EIF4ENIF1: variants seen among roughly 807,000 people sequenced by gnomAD.
The protein encoded by EIF4ENIF1 is eukaryotic translation initiation factor 4E nuclear import factor 1, also known as eukaryotic translation initiation factor 4E transporter.
EIF4ENIF1 carries 23 observed loss-of-function variants against 110.5 expected under a neutral mutation model. That is an observed-to-expected ratio of 0.21 (90% CI 0.15 to 0.29). The LOEUF (loss-of-function observed/expected upper bound fraction) is 0.29. Ranked by LOEUF, EIF4ENIF1 falls within the 10% of genes least tolerant of loss-of-function variation. The pLI, the probability that EIF4ENIF1 is intolerant of heterozygous loss-of-function variation, is 1.00. For synonymous variants in EIF4ENIF1, 440 were observed against 437.0 expected (o/e 1.01, Z -0.09); for missense variants, 1,031 against 1,221.1 (o/e 0.84, Z 2.32).
At chr22:31,461,306 A>G (rs1332228925) in intron 6 of EIF4ENIF1, among the ~76,000 whole-genome samples, 1 of 152,212 alleles carries the variant, frequency 6.6e-6, no homozygotes, top group East Asian at 1.9e-4. Context: ...GAGCCAGGTC[A>G]CTGCCCTAAA....
rs1360293937 is a variant in EIF4ENIF1, at chr22:31,444,769, G to A, written c.1989-79C>T. The stretch of plus-strand genomic sequence containing the variant: ...TAAAACCATATAATACTCAAGACCA[G>A]CCTAGAAGTTTTAACATCCCCTTTC... On this transcript the variant is annotated intron_variant, in intron 14 of 18. Coordinates refer to ENST00000330125, the MANE Select transcript of EIF4ENIF1 (RefSeq NM_019843.4). 3 of 1,389,764 alleles carry A rather than the reference G, an allele frequency of 2.2e-6. No homozygotes were observed. The African/African-American group carries it at 4.3e-5, about 20-fold the overall frequency. The allele number at this position is 1,389,764 out of a possible 1,614,324, so 86.1% of individuals were successfully genotyped here.
At chr22:31,454,448 G>T in intron 9 of EIF4ENIF1, 72 bp from the exon 10 acceptor site, 1 of 1,250,026 alleles carries the variant, frequency 8.0e-7, no homozygotes, top group South Asian at 1.3e-5. Context: ...TGGCTAGTAT[G>T]ACAGATAAGA....
At chr22:31,472,790 T>A (rs970970431) in intron 2 of EIF4ENIF1, among the ~76,000 whole-genome samples, 1 of 152,200 alleles carries the variant, frequency 6.6e-6, no homozygotes, top group Non-Finnish European at 1.5e-5. Flanking sequence ...GGGTGTCAAT[T>A]ACCTCAAGTA....
chr22:31,454,845 T>C (rs2050768474), intron 9 of EIF4ENIF1, among the ~76,000 whole-genome samples: 1 of 152,210 alleles, frequency 6.6e-6, no homozygotes, highest in African/African-American at 2.4e-5. Flanking sequence ...AGTTATGCTC[T>C]GGAGGAATAA....
intron 17 of EIF4ENIF1, 126 bp from the exon 18 acceptor site, chr22:31,440,994 GC>G (rs2050276386): frequency 1.5e-6 from 2 of 1,297,586 alleles, no homozygotes; most frequent in South Asian, 2.7e-5. Context: ...AGTGGCTCAC[GC>G]CTGTAATCCC....
intron 6 of EIF4ENIF1, among the ~76,000 whole-genome samples, chr22:31,460,531 C>G (rs2050957470): frequency 6.6e-6 from 1 of 151,706 alleles, no homozygotes; most frequent in African/African-American, 2.4e-5. Context: ...ACTCCGGAGG[C>G]TGAGGCAGAA....
chr22:31,493,104 G>A (rs1423410887), upstream of EIF4ENIF1, among the ~76,000 whole-genome samples: 1 of 150,134 alleles, frequency 6.7e-6, no homozygotes. Flanking sequence ...CGTAATCTCG[G>A]CTCACTGCAA....
intron 10 of EIF4ENIF1, chr22:31,453,376 C>CTTTTTT: frequency 1.2e-5 from 4 of 322,470 alleles, no homozygotes; most frequent in Admixed American, 3.7e-5. Flanking sequence ...ACCCATCTTA[C>CTTTTTT]TTTTTTTTTT....
chr22:31,466,738 G>C (rs2051203883), intron 4 of EIF4ENIF1, among the ~76,000 whole-genome samples: 1 of 152,170 alleles, frequency 6.6e-6, no homozygotes, highest in South Asian at 2.1e-4. Flanking sequence ...GGTTTCACAG[G>C]TATATACACA....
At chr22:31,488,871 C>T (rs1468302075) in intron 1 of EIF4ENIF1, 126 bp from the exon 2 acceptor site, 9 of 1,064,008 alleles carry the variant, frequency 8.5e-6, no homozygotes, top group Non-Finnish European at 1.1e-5. Context: ...AAGTCCCCAC[C>T]CCAAAATTAT....
chr22:31,474,064 C>CT (rs71878640), intron 2 of EIF4ENIF1, among the ~76,000 whole-genome samples: 16,677 of 145,370 alleles, frequency 0.11, 1,051 homozygotes, highest in East Asian at 0.31. Context: ...AGTTTTTCCT[C>CT]TTTTTTTTTT....
At chr22:31,449,688 T>C (rs139531159) in intron 11 of EIF4ENIF1, among the ~76,000 whole-genome samples, 157 bp from the exon 12 acceptor site, 212 of 152,088 alleles carry the variant, frequency 1.4e-3, no homozygotes, top group African/African-American at 4.6e-3. Context: ...ATCTGAATGT[T>C]CAGCTAGCAA....
chr22:31,437,701 G>C (rs1178938486), downstream of EIF4ENIF1: 2 of 152,062 alleles, frequency 1.3e-5, no homozygotes, highest in African/African-American at 4.8e-5. Flanking sequence ...ACCTATTAAC[G>C]TTGGTTCAAC....
intron 2 of EIF4ENIF1, among the ~76,000 whole-genome samples, chr22:31,481,475 A>G (rs1353550822): frequency 1.4e-5 from 2 of 145,324 alleles, no homozygotes; most frequent in East Asian, 3.8e-4. Context: ...GGTATCCTTA[A>G]ATTAGTTTAA....
downstream of EIF4ENIF1, among the ~76,000 whole-genome samples, chr22:31,438,494 G>A (rs1014192201): frequency 6.6e-6 from 1 of 152,150 alleles, no homozygotes; most frequent in Non-Finnish European, 1.5e-5. Context: ...GGATGCCCCA[G>A]TAAACATGAT....
upstream of EIF4ENIF1, among the ~76,000 whole-genome samples, chr22:31,493,128 G>C (rs992962439): frequency 6.9e-6 from 1 of 145,370 alleles, no homozygotes; most frequent in Non-Finnish European, 1.5e-5. Context: ...CTGCCCCCTG[G>C]GTTCAGGCCA....
intron 2 of EIF4ENIF1, among the ~76,000 whole-genome samples, chr22:31,485,079 C>A (rs766584444): frequency 6.6e-6 from 1 of 152,184 alleles, no homozygotes; most frequent in Non-Finnish European, 1.5e-5. Context: ...CCAAGTCCCG[C>A]ATAGAATTAC....
intron 6 of EIF4ENIF1, among the ~76,000 whole-genome samples, chr22:31,459,507 C>T (rs886340848): frequency 2.6e-5 from 4 of 152,066 alleles, no homozygotes; most frequent in Non-Finnish European, 4.4e-5. Context: ...CATTTTTGCC[C>T]TACCTAGTAA....
Position 31,451,938 on chromosome 22 carries a change from G to A in EIF4ENIF1, c.1513-1578C>T, listed in dbSNP as rs1296297156. On this transcript the variant is annotated intron_variant, in intron 10 of 18. Transcript: ENST00000330125. ...TGTCAAAGTCCAAAGCAGTGTCTAG[G>A]CATGACAAATAGCTCAAGAATACCC... Among the ~76,000 whole-genome samples, 3 of 152,244 alleles carry A rather than the reference G, an allele frequency of 2.0e-5. No individual in the cohort carries two copies. The East Asian group carries it at 5.8e-4, about 29-fold the overall frequency.
Sources: allele counts gnomAD v4.1 joint callset (sites outside exome capture counted in the v4.1 genomes callset), GRCh38; gene constraint gnomAD v4.1.1; transcripts MANE v1.5; gene names NCBI Gene and HGNC (gene_info 2026-07-23, HGNC 2026-07-21).